TLCD4: variants seen among roughly 807,000 people sequenced by gnomAD.
TLCD4 encodes the protein TLC domain containing 4, also known as TLC domain-containing protein 4.
TLCD4 carries 7 observed loss-of-function variants against 24.2 expected under a neutral mutation model. The observed-to-expected ratio is 0.29, with a 90% CI of 0.16 to 0.54. The LOEUF (loss-of-function observed/expected upper bound fraction) is 0.54, where lower values mean the gene tolerates loss of function less well. Among genes scored for constraint, TLCD4 ranks in the 20% least tolerant of loss-of-function variants. The pLI is 0.95. For missense variants in TLCD4, 259 were observed against 313.9 expected (o/e 0.82, Z 1.32); for synonymous variants, 103 against 106.4 (o/e 0.97, Z 0.20).
upstream of TLCD4, among the ~76,000 whole-genome samples, chr1:95,113,003 A>C (rs1676367402): frequency 6.6e-6 from 1 of 151,156 alleles, no homozygotes; most frequent in Admixed American, 6.6e-5. Flanking sequence ...GTTGTGAGCC[A>C]CTGCATCCAA....
At chr1:95,123,967 T>C (rs1676642236) in intron 1 of TLCD4, among the ~76,000 whole-genome samples, 1 of 152,224 alleles carries the variant, frequency 6.6e-6, no homozygotes, top group Non-Finnish European at 1.5e-5. Flanking sequence ...TATTCTGCTA[T>C]TTAATTCCCC....
chr1:95,148,886 T>C (rs1247966729), intron 3 of TLCD4, 95 bp downstream of exon 3: 2 of 1,480,292 alleles, frequency 1.4e-6, no homozygotes, highest in Non-Finnish European at 1.8e-6. Context: ...AGAAAACATA[T>C]TGATCGTATA....
chr1:95,125,759 G>C (rs1007795811), intron 1 of TLCD4: 1 of 152,180 alleles, frequency 6.6e-6, no homozygotes, highest in East Asian at 1.9e-4. Context: ...TAAATCAAGA[G>C]GGAAATGATC....
At chr1:95,189,362 G>T (rs1278846222) in intron 6 of TLCD4, among the ~76,000 whole-genome samples, 1 of 152,012 alleles carries the variant, frequency 6.6e-6, no homozygotes, top group Non-Finnish European at 1.5e-5. Context: ...AGATTCTTTT[G>T]TCACTGTTTG....
chr1:95,136,705 A>C (rs1230832814), intron 1 of TLCD4, among the ~76,000 whole-genome samples: 1 of 152,190 alleles, frequency 6.6e-6, no homozygotes, highest in Non-Finnish European at 1.5e-5. Flanking sequence ...TATCATGAGA[A>C]ACTTTCAGAA....
At position 95,117,380 on chromosome 1, in the gene TLCD4, G is replaced by GC; in HGVS notation, c.-246dup. 1 of 152,256 alleles carries GC rather than the reference G, an allele frequency of 6.6e-6. No homozygotes were observed. Among genetic ancestry groups the GC allele is most frequent in the East Asian group, 2.0e-4 (1 of 5,128 alleles). 9.4% of individuals were successfully genotyped at this position (152,256 alleles called of 1,614,324 possible). On this transcript the variant is annotated 5_prime_UTR_variant, in exon 1 of 7. Transcript: ENST00000370203. ...AAGGAGCAGCTCTGCGGTAACCCGA[G>GC]CCCGCAGTCCGGGCGGGCGCGACGG... is the stretch of plus-strand genomic sequence containing the variant.
chr1:95,112,942 C>T (rs1009736536), upstream of TLCD4, among the ~76,000 whole-genome samples: 1 of 152,100 alleles, frequency 6.6e-6, no homozygotes, highest in Non-Finnish European at 1.5e-5. Flanking sequence ...TCTTAAACTC[C>T]TGACCTCAAG....
chr1:95,161,463 T>G (rs551856134), intron 5 of TLCD4, among the ~76,000 whole-genome samples: 1 of 152,342 alleles, frequency 6.6e-6, no homozygotes, highest in East Asian at 1.9e-4. Context: ...AGCTCTTGGA[T>G]TCATTGATTT....
chr1:95,195,340 C>T lies in TLCD4; in HGVS notation c.*3472C>T, dbSNP rs1184921675. ...TACAGTGTACATGTTTCCTCTGTGT[C>T]GTTTTTAAGGGAAATAAACATGTTC... On this transcript the variant is annotated 3_prime_UTR_variant, in exon 7 of 7. Coordinates refer to ENST00000370203, the MANE Select transcript of TLCD4 (RefSeq NM_152487.3). 3.3e-5 allele frequency: 5 copies of T among 152,056 alleles called. No individual in the cohort carries two copies. The highest frequency in any genetic ancestry group is 9.7e-5 in the African/African-American group (4 of 41,392). 9.4% of individuals were successfully genotyped at this position (152,056 alleles called of 1,614,324 possible).
chr1:95,130,253 A>G (rs1489292741), intron 1 of TLCD4, among the ~76,000 whole-genome samples: 1 of 147,052 alleles, frequency 6.8e-6, no homozygotes, highest in African/African-American at 2.4e-5. Context: ...CCCAGGTTCA[A>G]GGGATTCTCC....
At chr1:95,137,117 G>A (rs944003693) in intron 1 of TLCD4, among the ~76,000 whole-genome samples, 2 of 152,176 alleles carry the variant, frequency 1.3e-5, no homozygotes, top group Non-Finnish European at 2.9e-5. Flanking sequence ...TGGGGGTTGG[G>A]GGGAGGTAGT....
chr1:95,151,257 T>G, intron 4 of TLCD4, 68 bp from the exon 5 acceptor site: 1 of 1,514,210 alleles, frequency 6.6e-7, no homozygotes, highest in South Asian at 1.1e-5. Flanking sequence ...GAGAAAGAGT[T>G]CAATACATTT....
chr1:95,195,977 T>C lies in TLCD4; in HGVS notation c.*4109T>C, dbSNP rs1200346410. On this transcript the variant is annotated 3_prime_UTR_variant, in exon 7 of 7. Transcript: ENST00000370203. ...ATGTATCTATAAGCTTCCCAGTCTC[T>C]TATGGCAAATTTAAAAGTTTACAAA... 1 of 152,184 alleles carries C rather than the reference T, an allele frequency of 6.6e-6. No individual in the cohort carries two copies. Among genetic ancestry groups the C allele is most frequent in the Non-Finnish European group, 1.5e-5 (1 of 68,024 alleles). 9.4% of individuals were successfully genotyped at this position (152,184 alleles called of 1,614,324 possible).
At chr1:95,142,217 G>T in intron 1 of TLCD4, among the ~76,000 whole-genome samples, 1 of 131,308 alleles carries the variant, frequency 7.6e-6, no homozygotes, top group African/African-American at 2.8e-5. Flanking sequence ...AACACACTTT[G>T]AGTGTGCATA....
At position 95,117,568 on chromosome 1, in the gene TLCD4, G is replaced by T; in HGVS notation, c.-61G>T. 1 of 153,600 alleles carries T rather than the reference G, an allele frequency of 6.5e-6. No homozygotes were observed. The allele number at this position is 153,600 out of a possible 1,614,324, so 9.5% of individuals were successfully genotyped here. A position where few individuals can be genotyped will look rare whatever the true frequency, so the allele number is the denominator to read the frequency against. ...TGTAGACACCCGCCGCCCTCTCCCG[G>T]CTCGGCGCAGCCGCCGCCCGCGCGC... On this transcript the variant is annotated 5_prime_UTR_variant, in exon 1 of 7. Transcript: ENST00000370203.
intron 1 of TLCD4, among the ~76,000 whole-genome samples, chr1:95,130,441 A>G (rs575803715): frequency 3.9e-5 from 6 of 152,176 alleles, no homozygotes; most frequent in Middle Eastern, 3.2e-3. Flanking sequence ...CATGAGCCAC[A>G]GTGCCCGGCC....
intron 1 of TLCD4, among the ~76,000 whole-genome samples, chr1:95,129,877 A>T (rs1676839707): frequency 6.6e-6 from 1 of 152,214 alleles, no homozygotes; most frequent in African/African-American, 2.4e-5. Flanking sequence ...AATTGGGTTG[A>T]CTTTTATGCA....
chr1:95,155,361 G>A (rs994875021), intron 5 of TLCD4, among the ~76,000 whole-genome samples: 8 of 152,034 alleles, frequency 5.3e-5, no homozygotes, highest in African/African-American at 1.9e-4. Flanking sequence ...GCTCCTTAAA[G>A]GTAGATGACA....
At chr1:95,158,725 G>A (rs1337877140) in intron 5 of TLCD4, among the ~76,000 whole-genome samples, 1 of 144,826 alleles carries the variant, frequency 6.9e-6, no homozygotes, top group African/African-American at 2.6e-5. Context: ...GTTCTTATCG[G>A]TCACTTCTCA....
Sources: allele counts gnomAD v4.1 joint callset (sites outside exome capture counted in the v4.1 genomes callset), GRCh38; gene constraint gnomAD v4.1.1; transcripts MANE v1.5; gene names NCBI Gene and HGNC (gene_info 2026-07-23, HGNC 2026-07-21).